CD101: variants seen among roughly 807,000 people sequenced by gnomAD.
The protein encoded by CD101 is immunoglobulin superfamily member 2.
In CD101, 76 loss-of-function variants were observed where a neutral mutation model predicts 98.2. The observed-to-expected ratio is 0.77, with a 90% confidence interval of 0.64 to 0.94. The LOEUF (loss-of-function observed/expected upper bound fraction) is 0.94. CD101 is among the 40% of genes least tolerant of loss of function. The pLI is 0.00. For synonymous variants in CD101, 471 were observed against 472.7 expected, an observed-to-expected ratio of 1.00 and a Z score of 0.05; for missense variants, 1,145 against 1,218.8, an observed-to-expected ratio of 0.94 and a Z score of 0.90.
chr1:117,034,245 G>C, intron 9 of CD101, 111 bp downstream of exon 9: 1 of 964,898 alleles, frequency 1.0e-6, no homozygotes, highest in East Asian at 2.6e-5. Context: ...AGCATTCACT[G>C]AGTGCTTATT....
At chr1:117,025,393 G>T in intron 7 of CD101, 116 bp from the exon 8 acceptor site, 1 of 807,510 alleles carries the variant, frequency 1.2e-6, no homozygotes, top group Non-Finnish European at 1.8e-6. Context: ...AAAATAAAAT[G>T]AATGCACTGA....
In CD101 at chr1:117,029,206, A is replaced by AG. The variant is rs1234351210; in HGVS notation, c.2824+3302_2824+3303insG. 3.0e-4 allele frequency among the ~76,000 whole-genome samples: 28 copies of AG among 94,708 alleles called. 2 individuals are homozygous for AG. In the East Asian group the frequency reaches 7.7e-3, roughly 26 times the overall value. 62.1% of individuals were successfully genotyped at this position (94,708 alleles called of 152,430 possible). A position where few individuals can be genotyped will look rare whatever the true frequency, so the allele number is the denominator to read the frequency against. On this transcript the variant is annotated intron_variant, in intron 8 of 9. Coordinates refer to ENST00000682167, the MANE Select transcript of CD101 (RefSeq NM_001256106.3). Reference sequence around the variant, plus strand: ...AAGAAAGAAAGAAAGAAAGAAAGAAAAGAAAGAAAAGAAAGAAAGAAAGAA... The same window carrying AG: ...AAGAAAGAAAGAAAGAAAGAAAGAAAGAGAAAGAAAAGAAAGAAAGAAAGAA...
rs534935671 is a variant in CD101, at chr1:117,017,337, C to G, written c.1476C>G (p.Ala492=). The G allele has an allele frequency of 1.2e-6, 2 of 1,614,226 alleles. No homozygotes were observed. Among genetic ancestry groups the G allele is most frequent in the East Asian group, 4.5e-5 (2 of 44,880 alleles). ...CAAGGCTGGAGAAAATGGACTGGGC[C>G]ACCTTCCAGCTGGAGATCACCTTCA... ...GNTRLEKMDW[A]TFQLEITFTA... The change falls in exon 5 of 10, where the codon GCC becomes GCG. Residue 492 remains alanine, a synonymous_variant. Transcript: ENST00000682167.
chr1:117,012,363 G>A lies in CD101; in HGVS notation c.841+397G>A, dbSNP rs1490728705. On this transcript the variant is annotated intron_variant, in intron 3 of 9. Transcript: ENST00000682167. The surrounding 1 kb of genome is among the most constrained non-coding windows in gnomAD (Gnocchi z 4.0). ...TCTGAACTTCAGACATGCTAGATGC[G>A]CTGCCTAAGCCCACCCAGCTGGTGA... Among the ~76,000 whole-genome samples the A allele has an allele frequency of 3.3e-5, 5 of 152,236 alleles. No individual in the cohort carries two copies. The highest frequency in any genetic ancestry group is 2.1e-4 in the South Asian group (1 of 4,816).
rs781445427 is a variant in CD101, at chr1:117,006,997, G to A, written c.44-2853G>A. On this transcript the variant is annotated intron_variant, in intron 1 of 9. Transcript: ENST00000682167. This position sits in a 1 kb window ranked among gnomAD's most constrained non-coding sequence, Gnocchi z 4.4. The stretch of plus-strand genomic sequence containing the variant: ...ATCTTGCTGAAAAGTGATGGGAAAC[G>A]TTCGAGAAGTGTTGCCTAGCCACCA... Among the ~76,000 whole-genome samples the A allele has an allele frequency of 1.5e-4, 23 of 152,166 alleles. No individual in the cohort carries two copies. Among genetic ancestry groups the A allele is most frequent in the Non-Finnish European group, 2.6e-4 (18 of 68,028 alleles).
chr1:117,008,463 A>C (rs949828264), intron 1 of CD101, among the ~76,000 whole-genome samples: 1 of 141,932 alleles, frequency 7.0e-6, no homozygotes, highest in Non-Finnish European at 1.6e-5. Context: ...AGACCGTGTC[A>C]AAAAAAAAAA....
rs184569225 is a variant in CD101, at chr1:117,022,437, A to G, written c.2428+454A>G. Among the ~76,000 whole-genome samples, 1 of 152,218 alleles carries G rather than the reference A, an allele frequency of 6.6e-6. No individual in the cohort carries two copies. The highest frequency in any genetic ancestry group is 1.9e-4 in the East Asian group (1 of 5,206). On this transcript the variant is annotated intron_variant, in intron 7 of 9. Coordinates refer to ENST00000682167, the MANE Select transcript of CD101 (RefSeq NM_001256106.3). The surrounding 1 kb of genome is among the most constrained non-coding windows in gnomAD (Gnocchi z 4.8). ...CTTCTCAACATTTAGCTGCCTAAAC[A>G]TAAGGCAAATAAGAGTAGTTAACTG...
intron 4 of CD101, among the ~76,000 whole-genome samples, chr1:117,015,506 A>G (rs914848301): frequency 1.2e-4 from 19 of 152,222 alleles, no homozygotes; most frequent in African/African-American, 4.6e-4. Context: ...AAACATATTT[A>G]TGGACATTAA....
chr1:117,022,052 C>A lies in CD101; in HGVS notation c.2428+69C>A. The stretch of plus-strand genomic sequence containing the variant: ...GGCTGTTTTCTCTTGGGCAGCTGTT[C>A]TATGGAGTGATTATGTGGAAGTAAA... On this transcript the variant is annotated intron_variant, in intron 7 of 9. Transcript: ENST00000682167. The surrounding 1 kb of genome is among the most constrained non-coding windows in gnomAD (Gnocchi z 4.8). 1 of 1,489,450 alleles carries A rather than the reference C, an allele frequency of 6.7e-7. No homozygotes were observed. The allele number at this position is 1,489,450 out of a possible 1,614,324, so 92.3% of individuals were successfully genotyped here. A position where few individuals can be genotyped will look rare whatever the true frequency, so the allele number is the denominator to read the frequency against.
At chr1:117,009,060 T>C (rs542682162) in intron 1 of CD101, among the ~76,000 whole-genome samples, 1 of 152,368 alleles carries the variant, frequency 6.6e-6, no homozygotes, top group Non-Finnish European at 1.5e-5. Flanking sequence ...AAATGAAATA[T>C]TACCATTTAA....
At position 117,018,034 on chromosome 1, in the gene CD101, A is replaced by G. The variant is rs1288177861; in HGVS notation, c.1613-122A>G. On this transcript the variant is annotated intron_variant, in intron 5 of 9. Coordinates refer to ENST00000682167, the MANE Select transcript of CD101 (RefSeq NM_001256106.3). The surrounding 1 kb of genome is among the most constrained non-coding windows in gnomAD (Gnocchi z 4.3). ...GGAATCAATTTCTACTCTATAAAAT[A>G]GGAAACTCCAAATGTACAAATGCAT... 1.8e-5 allele frequency: 17 copies of G among 929,874 alleles called. No homozygotes were observed. The highest frequency in any genetic ancestry group is 2.7e-5 in the Non-Finnish European group (17 of 638,012). The allele number at this position is 929,874 out of a possible 1,614,324, so 57.6% of individuals were successfully genotyped here.
intron 9 of CD101, among the ~76,000 whole-genome samples, 169 bp from the exon 10 acceptor site, chr1:117,035,999 C>A (rs1654798971): frequency 6.6e-6 from 1 of 152,190 alleles, no homozygotes; most frequent in South Asian, 2.1e-4. Flanking sequence ...CTCTTCACCC[C>A]ATCCCTCCTC....
At chr1:117,029,044 AAAG>A (rs766274626) in intron 8 of CD101, among the ~76,000 whole-genome samples, 3 of 145,076 alleles carry the variant, frequency 2.1e-5, no homozygotes, top group Non-Finnish European at 2.9e-5. Context: ...AGCAGAAAGA[AAAG>A]AAAGAAAGAG....
chr1:117,010,073 G>A lies in CD101; in HGVS notation c.267G>A (p.Val89=). Residue 89 remains valine, a synonymous_variant, in exon 2 of 10, where the codon GTG becomes GTA. Coordinates refer to ENST00000682167, the MANE Select transcript of CD101 (RefSeq NM_001256106.3). The surrounding 1 kb of genome is among the most constrained non-coding windows in gnomAD (Gnocchi z 5.2). The part of the protein sequence containing the change: ...AFSYAVYTQR[V]RSGDVYVERV... ...CTTACGCAGTATATACGCAGCGGGTGCGAAGCGGAGACGTCTACGTGGAGA... is the reference window on the plus strand; with the variant it reads ...CTTACGCAGTATATACGCAGCGGGTACGAAGCGGAGACGTCTACGTGGAGA... 2 of 1,614,220 alleles carry A rather than the reference G, an allele frequency of 1.2e-6. No homozygotes were observed. The highest frequency in any genetic ancestry group is 1.7e-6 in the Non-Finnish European group (2 of 1,180,032).
chr1:117,017,753 G>C (rs1361111123), intron 5 of CD101, among the ~76,000 whole-genome samples: 1 of 152,176 alleles, frequency 6.6e-6, no homozygotes, highest in Non-Finnish European at 1.5e-5. Flanking sequence ...CTTACCTTCT[G>C]GCTTTTGACA....
At position 117,021,047 on chromosome 1, in the gene CD101, A is replaced by G. The variant is rs1325827326; in HGVS notation, c.2018-526A>G. On this transcript the variant is annotated intron_variant, in intron 6 of 9. Coordinates refer to ENST00000682167, the MANE Select transcript of CD101 (RefSeq NM_001256106.3). This position sits in a 1 kb window ranked among gnomAD's most constrained non-coding sequence, Gnocchi z 4.7. Reference sequence around the variant, plus strand: ...ACACAGTTTTAATCACTCATGTACAACTTCCTTTTGTTTACCCACGTTTGA... The same window carrying G: ...ACACAGTTTTAATCACTCATGTACAGCTTCCTTTTGTTTACCCACGTTTGA... Among the ~76,000 whole-genome samples, 1 of 152,222 alleles carries G rather than the reference A, an allele frequency of 6.6e-6. No individual in the cohort carries two copies. The highest frequency in any genetic ancestry group is 1.5e-5 in the Non-Finnish European group (1 of 68,046).
chr1:117,034,528 T>C (rs544288486), intron 9 of CD101, among the ~76,000 whole-genome samples: 1 of 152,294 alleles, frequency 6.6e-6, no homozygotes, highest in South Asian at 2.1e-4. Flanking sequence ...GGAAAGGACC[T>C]GATGCCAGCA....
In CD101 at chr1:117,018,413, C is replaced by A. The variant is rs757276102; in HGVS notation, c.1870C>A (p.Gln624Lys). The stretch of plus-strand genomic sequence containing the variant: ...AGTGTCGCAGTCTTTATTTCGTTCA[C>A]AACTCCTAGTCCATGATGCCACTGA... ...TKVSQSLFRS[Q>K]LLVHDATEEE... Residue 624 changes from glutamine to lysine, a missense_variant, in exon 6 of 10, where the codon CAA (glutamine) becomes AAA (lysine). By Grantham distance (53) the Gln-to-Lys change is moderately conservative. Transcript: ENST00000682167. The surrounding 1 kb of genome is among the most constrained non-coding windows in gnomAD (Gnocchi z 4.3). 1.2e-5 allele frequency: 20 copies of A among 1,614,056 alleles called. No homozygotes were observed. The Admixed American group carries it at 3.3e-4, about 27-fold the overall frequency.
intron 8 of CD101, chr1:117,026,599 T>G (rs1336112478): frequency 1.3e-5 from 2 of 152,142 alleles, no homozygotes; most frequent in African/African-American, 4.8e-5. Context: ...GTTTTCCCAG[T>G]GGAATTAATA....
Sources: allele counts gnomAD v4.1 joint callset (sites outside exome capture counted in the v4.1 genomes callset), GRCh38; gene constraint gnomAD v4.1.1; non-coding constraint Gnocchi (gnomAD v3.1); transcripts MANE v1.5; gene names NCBI Gene and HGNC (gene_info 2026-07-23, HGNC 2026-07-21).